Variants in CECR2 observed in about 807,000 individuals in gnomAD.
CECR2 encodes CECR2 histone acetyl-lysine reader, also known as chromatin remodeling regulator CECR2.
Under a neutral mutation model 154.5 loss-of-function variants are expected in CECR2, and 30 were observed. That is an observed-to-expected ratio of 0.19 (90% CI 0.15 to 0.26). The LOEUF (loss-of-function observed/expected upper bound fraction) is 0.26. CECR2 is among the 10% of genes least tolerant of loss of function. The pLI, the probability that CECR2 is intolerant of heterozygous loss-of-function variation, is 1.00. For missense variants in CECR2, 1,743 were observed against 1,829.3 expected (o/e 0.95, Z 0.86); for synonymous variants, 725 against 683.7 (o/e 1.06, Z -0.94).
intron 9 of CECR2, among the ~76,000 whole-genome samples, chr22:17,530,256 C>T (rs1601522745): frequency 1.3e-5 from 2 of 151,136 alleles, no homozygotes; most frequent in African/African-American, 2.4e-5. Context: ...GACGGAGTGT[C>T]GCTCTGTCGC....
intron 7 of CECR2, among the ~76,000 whole-genome samples, chr22:17,509,569 T>TA (rs1361878788): frequency 1.3e-5 from 2 of 152,078 alleles, no homozygotes; most frequent in Non-Finnish European, 2.9e-5. Flanking sequence ...ACCTGGACTA[T>TA]AGGCACACAC....
chr22:17,509,554 T>C (rs979812785), intron 7 of CECR2, among the ~76,000 whole-genome samples: 2 of 152,064 alleles, frequency 1.3e-5, no homozygotes, highest in Non-Finnish European at 2.9e-5. Flanking sequence ...CTCAGCCTCC[T>C]GAGTACCTGG....
chr22:17,505,534 C>CTTTTTTTTT (rs11387639), intron 7 of CECR2, among the ~76,000 whole-genome samples: 29 of 98,840 alleles, frequency 2.9e-4, no homozygotes, highest in African/African-American at 3.7e-4. Flanking sequence ...CCTCTTTTTC[C>CTTTTTTTTT]TTTTTTTTTT....
intron 1 of CECR2, among the ~76,000 whole-genome samples, chr22:17,406,453 G>A (rs990870343): frequency 6.6e-6 from 1 of 152,180 alleles, no homozygotes; most frequent in Non-Finnish European, 1.5e-5. Flanking sequence ...AACCCAGGAG[G>A]CGGAGGTTGC....
intron 1 of CECR2, among the ~76,000 whole-genome samples, chr22:17,453,129 T>C (rs1247187811): frequency 6.6e-6 from 1 of 152,220 alleles, no homozygotes; most frequent in Non-Finnish European, 1.5e-5. Flanking sequence ...TATATTTAGG[T>C]CTTTTCGTGC....
intron 1 of CECR2, among the ~76,000 whole-genome samples, chr22:17,467,915 C>T (rs1379341482): frequency 6.6e-6 from 1 of 152,178 alleles, no homozygotes; most frequent in East Asian, 1.9e-4. Flanking sequence ...TCTTTTGAGA[C>T]CATGAGCTGA....
At chr22:17,510,890 C>T (rs1000383295) in intron 7 of CECR2, among the ~76,000 whole-genome samples, 11 of 152,160 alleles carry the variant, frequency 7.2e-5, no homozygotes, top group Non-Finnish European at 1.5e-4. Flanking sequence ...CAGGCGTGAG[C>T]CACCCCACCC....
upstream of CECR2, among the ~76,000 whole-genome samples, chr22:17,365,889 C>G (rs543422271): frequency 1.3e-5 from 2 of 151,916 alleles, no homozygotes; most frequent in Middle Eastern, 3.4e-3. Flanking sequence ...GTTCATTTCC[C>G]AGATTATCCT....
At chr22:17,452,136 A>G (rs2054780652) in intron 1 of CECR2, among the ~76,000 whole-genome samples, 3 of 152,174 alleles carry the variant, frequency 2.0e-5, no homozygotes. Flanking sequence ...GCAGTGGCAC[A>G]ATCTCTGCTC....
intron 8 of CECR2, among the ~76,000 whole-genome samples, chr22:17,515,288 T>G (rs1433760604): frequency 6.6e-6 from 1 of 152,102 alleles, no homozygotes; most frequent in Non-Finnish European, 1.5e-5. Flanking sequence ...GAAAGTGGTC[T>G]GAGACAGGTG....
Position 17,524,151 on chromosome 22 carries a change from A to G in CECR2, c.988A>G (p.Lys330Glu), listed in dbSNP as rs2056208794. ...TPVLTRIEKQKRKEEEEERQI... is the reference protein window; with the variant it reads ...TPVLTRIEKQERKEEEEERQI... The stretch of plus-strand genomic sequence containing the variant: ...TGTGCTGACCAGAATAGAAAAACAA[A>G]AGCGCAAAGAGGAGGAAGAAGAGCG... Residue 330 changes from lysine (K) to glutamate (E), a missense_variant, in exon 9 of 19, where the codon AAG becomes GAG. By Grantham distance (56) the Lys-to-Glu change is moderately conservative. Coordinates refer to ENST00000262608, the MANE Select transcript of CECR2 (RefSeq NM_001290047.2). The G allele has an allele frequency of 3.7e-6, 6 of 1,600,980 alleles. No individual in the cohort carries two copies. Among genetic ancestry groups the G allele is most frequent in the Non-Finnish European group, 5.1e-6 (6 of 1,173,780 alleles).
chr22:17,490,570 G>T (rs2055509805), intron 2 of CECR2, among the ~76,000 whole-genome samples: 1 of 151,982 alleles, frequency 6.6e-6, no homozygotes, highest in Non-Finnish European at 1.5e-5. Context: ...GAGTAGCTGG[G>T]ATTACAGGTG....
At position 17,436,624 on chromosome 22, in the gene CECR2, G is replaced by T. The variant is rs566572389; in HGVS notation, c.127-40964G>T. ...CTCTGTTCCTACTTCTGAAATGCCT[G>T]TGCAATGCTGACTGAGTTTGTCACC... On this transcript the variant is annotated intron_variant, in intron 1 of 18. Coordinates refer to ENST00000262608, the MANE Select transcript of CECR2 (RefSeq NM_001290047.2). 5.4e-4 allele frequency among the ~76,000 whole-genome samples: 82 copies of T among 152,320 alleles called. 1 individual carries two copies. In the South Asian group the frequency reaches 0.016, roughly 30 times the overall value.
At chr22:17,465,250 C>T (rs904002615) in intron 1 of CECR2, among the ~76,000 whole-genome samples, 2 of 152,070 alleles carry the variant, frequency 1.3e-5, no homozygotes, top group Non-Finnish European at 2.9e-5. Flanking sequence ...CCCGCCTCGG[C>T]CTCCCAAAGT....
intron 1 of CECR2, among the ~76,000 whole-genome samples, chr22:17,415,143 C>T (rs1353966873): frequency 6.6e-6 from 1 of 152,158 alleles, no homozygotes; most frequent in Non-Finnish European, 1.5e-5. Flanking sequence ...GAATATGAAC[C>T]TTACCTGTTA....
rs964710663 is a variant in CECR2 at position 17,499,611 on chromosome 22, C to G, written c.545+62C>G. 1.6e-5 allele frequency: 23 copies of G among 1,475,136 alleles called. No individual in the cohort carries two copies. In the South Asian group the frequency reaches 2.8e-4, roughly 18 times the overall value. 91.4% of individuals were successfully genotyped at this position (1,475,136 alleles called of 1,614,324 possible). On this transcript the variant is annotated intron_variant, in intron 4 of 18. Coordinates refer to ENST00000262608, the MANE Select transcript of CECR2 (RefSeq NM_001290047.2). ...ATTAAAATGTCATTAAGATTAAATG[C>G]ATCAGAATTCTACAGCACAATTTTT...
intron 1 of CECR2, among the ~76,000 whole-genome samples, chr22:17,362,535 A>T (rs1278201572): frequency 7.4e-6 from 1 of 135,296 alleles, no homozygotes; most frequent in Non-Finnish European, 1.7e-5. Flanking sequence ...GCATGAAAAA[A>T]TAATTTTTTA....
Position 17,487,740 on chromosome 22 carries a change from C to T in CECR2, c.222-9663C>T, listed in dbSNP as rs112616714. On this transcript the variant is annotated intron_variant, in intron 2 of 18. Coordinates refer to ENST00000262608, the MANE Select transcript of CECR2 (RefSeq NM_001290047.2). ...CTGCTAAAATGTTTTTCCTTTTGTC[C>T]GTACATCTTTAGTAGAGTGCTCTTT... is the stretch of plus-strand genomic sequence containing the variant. 1.6e-3 allele frequency among the ~76,000 whole-genome samples: 240 copies of T among 152,068 alleles called. 2 individuals are homozygous for T. Among genetic ancestry groups the T allele is most frequent in the African/African-American group, 5.5e-3 (229 of 41,484 alleles).
intron 2 of CECR2, among the ~76,000 whole-genome samples, chr22:17,478,574 C>T (rs921105355): frequency 6.6e-6 from 1 of 152,102 alleles, no homozygotes; most frequent in Non-Finnish European, 1.5e-5. Context: ...CCAGGATGGT[C>T]TCGATCTCCC....
Sources: allele counts gnomAD v4.1 joint callset (sites outside exome capture counted in the v4.1 genomes callset), GRCh38; gene constraint gnomAD v4.1.1; transcripts MANE v1.5; gene names NCBI Gene and HGNC (gene_info 2026-07-23, HGNC 2026-07-21).